Variants in FAM20C observed in about 807,000 individuals in gnomAD.
FAM20C encodes extracellular serine/threonine protein kinase FAM20C.
In FAM20C, 40 loss-of-function variants were observed where a neutral mutation model predicts 51.5. The observed-to-expected ratio is 0.78, with a 90% confidence interval of 0.60 to 1.01. The LOEUF (loss-of-function observed/expected upper bound fraction) is 1.01. Among genes scored for constraint, FAM20C ranks in the 50% least tolerant of loss-of-function variants. The probability of loss-of-function intolerance (pLI) is 0.00; values close to 1 mark genes in which losing one functional copy is unlikely to be tolerated. For synonymous variants in FAM20C, 406 were observed against 380.6 expected, an observed-to-expected ratio of 1.07 and a Z score of -0.78; for missense variants, 861 against 844.7, an observed-to-expected ratio of 1.02 and a Z score of -0.24.
chr7:241,135 T>C (rs1336322803), intron 3 of FAM20C, among the ~76,000 whole-genome samples: 1 of 151,590 alleles, frequency 6.6e-6, no homozygotes, highest in Non-Finnish European at 1.5e-5. Flanking sequence ...TCCTTGCCCC[T>C]GGGGCTGCTC....
intron 5 of FAM20C, among the ~76,000 whole-genome samples, chr7:255,108 T>A (rs1484813327): frequency 6.6e-6 from 1 of 152,190 alleles, no homozygotes; most frequent in Non-Finnish European, 1.5e-5. Flanking sequence ...GGGGTTTACA[T>A]GGGAGGGGAG....
intron 5 of FAM20C, among the ~76,000 whole-genome samples, chr7:248,886 G>A (rs148819349): frequency 0.011 from 1,698 of 152,286 alleles, 30 homozygotes; most frequent in African/African-American, 0.038. Flanking sequence ...CACGTGCCCT[G>A]TGCCCCCTTC....
chr7:233,650 A>G (rs968744686), intron 3 of FAM20C, among the ~76,000 whole-genome samples: 6 of 152,098 alleles, frequency 3.9e-5, no homozygotes, highest in Non-Finnish European at 7.4e-5. Flanking sequence ...CGTCTTCTGA[A>G]GTCAGGTCTC....
chr7:220,751 C>T (rs185852933), intron 3 of FAM20C, among the ~76,000 whole-genome samples: 5 of 152,348 alleles, frequency 3.3e-5, no homozygotes, highest in Non-Finnish European at 5.9e-5. Context: ...ACAGGAAGCT[C>T]CACGTGGTGG....
chr7:200,577 G>A (rs1038410430), intron 2 of FAM20C, among the ~76,000 whole-genome samples: 5 of 152,248 alleles, frequency 3.3e-5, no homozygotes, highest in Non-Finnish European at 4.4e-5. Flanking sequence ...GCCCCGATGC[G>A]CACCTGCCGA....
At chr7:258,817 A>C in intron 9 of FAM20C, 112 bp downstream of exon 9, 1 of 1,091,148 alleles carries the variant, frequency 9.2e-7, no homozygotes, top group Non-Finnish European at 1.3e-6. Flanking sequence ...GGGAGAGAAA[A>C]GGCCCCGAAT....
intron 3 of FAM20C, among the ~76,000 whole-genome samples, chr7:242,813 G>A (rs1583325772): frequency 6.6e-6 from 1 of 152,220 alleles, no homozygotes; most frequent in African/African-American, 2.4e-5. Context: ...CCGATGGACA[G>A]GCCAGGCTGG....
chr7:258,186 C>A (rs1198523741), intron 8 of FAM20C, among the ~76,000 whole-genome samples: 1 of 99,642 alleles, frequency 1.0e-5, no homozygotes, highest in African/African-American at 4.6e-5. Flanking sequence ...GCCTGAGGTG[C>A]TGGAGATAGG....
At chr7:245,134 C>T (rs918204299) in intron 3 of FAM20C, among the ~76,000 whole-genome samples, 1 of 152,144 alleles carries the variant, frequency 6.6e-6, no homozygotes, top group Non-Finnish European at 1.5e-5. Flanking sequence ...ACCTCCGCTG[C>T]GTATATGGAA....
chr7:218,424 G>T (rs1168405903), intron 3 of FAM20C, among the ~76,000 whole-genome samples: 1 of 152,226 alleles, frequency 6.6e-6, no homozygotes, highest in Non-Finnish European at 1.5e-5. Context: ...TGACCCTCGG[G>T]TGTGGCCCCT....
At chr7:237,405 A>G (rs1787878789) in intron 3 of FAM20C, among the ~76,000 whole-genome samples, 1 of 152,252 alleles carries the variant, frequency 6.6e-6, no homozygotes, top group Non-Finnish European at 1.5e-5. Context: ...ATAGTGCAGT[A>G]TGCGTTCACA....
At chr7:253,629 T>A (rs1386374206) in intron 5 of FAM20C, among the ~76,000 whole-genome samples, 1 of 152,212 alleles carries the variant, frequency 6.6e-6, no homozygotes, top group African/African-American at 2.4e-5. Flanking sequence ...TCCCAGCCCG[T>A]GATGCCGGCG....
At chr7:231,284 G>A (rs1278748703) in intron 3 of FAM20C, among the ~76,000 whole-genome samples, 1 of 152,172 alleles carries the variant, frequency 6.6e-6, no homozygotes, top group Non-Finnish European at 1.5e-5. Context: ...GGGGAGCCCG[G>A]GGTGGCCGGG....
intron 3 of FAM20C, among the ~76,000 whole-genome samples, chr7:237,824 A>ACC (rs1787894228): frequency 6.8e-6 from 1 of 146,524 alleles, no homozygotes; most frequent in Admixed American, 7.4e-5. Context: ...ATCATGGTAG[A>ACC]GGTAATAGTG....
intron 3 of FAM20C, among the ~76,000 whole-genome samples, chr7:223,567 C>T (rs548630062): frequency 1.6e-3 from 245 of 152,314 alleles, no homozygotes; most frequent in Non-Finnish European, 2.7e-3. Context: ...GGACATGTCC[C>T]TGCAAGTGAC....
At chr7:257,768 T>C (rs1788646687) in intron 8 of FAM20C, among the ~76,000 whole-genome samples, 1 of 144,294 alleles carries the variant, frequency 6.9e-6, no homozygotes, top group African/African-American at 2.5e-5. Flanking sequence ...ATGGGCAGGG[T>C]GGACCCACTG....
At chr7:217,664 A>C (rs866141413) in intron 3 of FAM20C, among the ~76,000 whole-genome samples, 33 of 152,188 alleles carry the variant, frequency 2.2e-4, no homozygotes, top group South Asian at 1.4e-3. Context: ...GGCCAGGCAG[A>C]GGTGCCCTGA....
chr7:228,488 G>A (rs752662352), intron 3 of FAM20C: 6 of 456,072 alleles, frequency 1.3e-5, no homozygotes, highest in Middle Eastern at 3.2e-4. Flanking sequence ...AGCCAGGTCC[G>A]TGTCCCTGTC....
intron 3 of FAM20C, among the ~76,000 whole-genome samples, chr7:219,046 C>T (rs1231153490): frequency 6.6e-6 from 1 of 152,154 alleles, no homozygotes; most frequent in Non-Finnish European, 1.5e-5. Context: ...GTGAGGGTTC[C>T]CCAGTGCTCC....
Sources: gnomAD v4.1 joint callset for allele counts (sites outside exome capture counted in the v4.1 genomes callset) on GRCh38, gnomAD v4.1.1 for gene constraint, MANE v1.5 for transcripts, NCBI Gene and HGNC (gene_info 2026-07-23, HGNC 2026-07-21) for gene names.